DNAL1: variants seen among roughly 807,000 people sequenced by gnomAD.
The protein encoded by DNAL1 is dynein axonemal light chain 1.
A neutral mutation model predicts 29.4 loss-of-function variants in DNAL1; 17 were observed. The ratio of observed to expected loss-of-function variants is 0.58; its 90% CI spans 0.40 to 0.87. DNAL1 has a LOEUF of 0.87. DNAL1 is among the 40% of genes least tolerant of loss of function. The pLI, the probability that DNAL1 is intolerant of heterozygous loss-of-function variation, is 0.00. For synonymous variants in DNAL1, 78 were observed against 76.3 expected (o/e 1.02, Z -0.12); for missense variants, 188 against 214.1 (o/e 0.88, Z 0.76).
Position 73,702,735 on chromosome 14 carries a change from C to T in DNAL1, c.*6793C>T, listed in dbSNP as rs1046149405. ...ACATTTTCTATGCTATCAGCTAAAA[C>T]GTAATTTTGGTCACAAAATAGGGCT... On this transcript the variant is annotated 3_prime_UTR_variant, in exon 8 of 8. Coordinates refer to ENST00000553645, the MANE Select transcript of DNAL1 (RefSeq NM_031427.4). The T allele has an allele frequency of 1.3e-5, 2 of 152,136 alleles. No individual in the cohort carries two copies. Among genetic ancestry groups the T allele is most frequent in the Admixed American group, 6.5e-5 (1 of 15,270 alleles). 9.4% of individuals were successfully genotyped at this position (152,136 alleles called of 1,614,324 possible). A position where few individuals can be genotyped will look rare whatever the true frequency, so the allele number is the denominator to read the frequency against.
Position 73,689,483 on chromosome 14 carries a change from C to T in DNAL1, c.500C>T (p.Thr167Ile), listed in dbSNP as rs781170779. ...GAGAATAACTGGATTGAAGAAGCAA[C>T]CAAGAGAGTGCCCAAACTGAAAAAG... is the stretch of plus-strand genomic sequence containing the variant. ...SAENNWIEEA[T>I]KRVPKLKKLD... Residue 167 changes from threonine to isoleucine, a missense_variant, in exon 7 of 8, where the codon ACC becomes ATC. Coordinates refer to ENST00000553645, the MANE Select transcript of DNAL1 (RefSeq NM_031427.4). 1 of 1,585,602 alleles carries T rather than the reference C, an allele frequency of 6.3e-7. No homozygotes were observed. The highest frequency in any genetic ancestry group is 8.6e-7 in the Non-Finnish European group (1 of 1,165,568).
intron 5 of DNAL1, among the ~76,000 whole-genome samples, chr14:73,679,369 GATT>G (rs1435559994): frequency 6.6e-6 from 1 of 152,036 alleles, no homozygotes; most frequent in Non-Finnish European, 1.5e-5. Context: ...TTAAAATACT[GATT>G]ATTTTCTCCT....
intron 7 of DNAL1, among the ~76,000 whole-genome samples, chr14:73,694,829 A>G (rs1892265213): frequency 6.6e-6 from 1 of 151,542 alleles, no homozygotes; most frequent in African/African-American, 2.4e-5. Flanking sequence ...AGATGGGATT[A>G]CAGGCATGCG....
intron 5 of DNAL1, among the ~76,000 whole-genome samples, chr14:73,682,869 ATTTTTTT>A (rs57815202): frequency 3.5e-4 from 36 of 101,818 alleles, no homozygotes; most frequent in South Asian, 6.4e-4. Context: ...TTTTATAGTT[ATTTTTTT>A]TTTTTTTTTT....
In DNAL1 at chr14:73,703,371, C is replaced by T. The variant is rs1216447806; in HGVS notation, c.*7429C>T. On this transcript the variant is annotated 3_prime_UTR_variant, in exon 8 of 8. Transcript: ENST00000553645. ...CCTCTGAGCCCAAGCTAAGCCATCG[C>T]ATCCCCTGTGACTTGCACGTATACA... The T allele has an allele frequency of 6.6e-6, 1 of 152,212 alleles. No homozygotes were observed. The highest frequency in any genetic ancestry group is 1.5e-5 in the Non-Finnish European group (1 of 68,020). The allele number at this position is 152,212 out of a possible 1,614,324, so 9.4% of individuals were successfully genotyped here.
At position 73,698,682 on chromosome 14, in the gene DNAL1, G is replaced by C. The variant is rs1892360725; in HGVS notation, c.*2740G>C. The C allele has an allele frequency of 6.6e-6, 1 of 152,056 alleles. No homozygotes were observed. Among genetic ancestry groups the C allele is most frequent in the Non-Finnish European group, 1.5e-5 (1 of 68,038 alleles). 9.4% of individuals were successfully genotyped at this position (152,056 alleles called of 1,614,324 possible). ...TTGTCTTGAACTCCTAACTTCAGAT[G>C]ACCTGCCCACATCGGCCTCCCAAAG... On this transcript the variant is annotated 3_prime_UTR_variant, in exon 8 of 8. Transcript: ENST00000553645.
At chr14:73,685,744 G>A (rs1892007630) in intron 5 of DNAL1, among the ~76,000 whole-genome samples, 1 of 152,112 alleles carries the variant, frequency 6.6e-6, no homozygotes, top group Admixed American at 6.5e-5. Context: ...TTACAGATGT[G>A]AGCCACTGCA....
intron 5 of DNAL1, among the ~76,000 whole-genome samples, chr14:73,682,869 ATTTTT>A (rs57815202): frequency 2.0e-5 from 2 of 101,838 alleles, no homozygotes; most frequent in Admixed American, 1.1e-4. Context: ...TTTTATAGTT[ATTTTT>A]TTTTTTTTTT....
At chr14:73,678,632 C>T (rs545601836) in intron 5 of DNAL1, among the ~76,000 whole-genome samples, 1 of 150,450 alleles carries the variant, frequency 6.6e-6, no homozygotes, top group African/African-American at 2.5e-5. Flanking sequence ...ATAGCTATCA[C>T]AATATTCAAT....
chr14:73,665,539 C>T (rs1000394152), intron 4 of DNAL1, among the ~76,000 whole-genome samples: 1 of 152,006 alleles, frequency 6.6e-6, no homozygotes, highest in African/African-American at 2.4e-5. Flanking sequence ...ACCTGTAATC[C>T]CAGCACTTTG....
intron 5 of DNAL1, among the ~76,000 whole-genome samples, chr14:73,677,884 T>TATATTTGTGTGTG (rs1555402397): frequency 0.014 from 1,339 of 96,030 alleles, 13 homozygotes; most frequent in Non-Finnish European, 0.021. Flanking sequence ...ATATATATAT[T>TATATTTGTGTGTG]TGTGTGTGTG....
At chr14:73,691,235 A>G (rs1459795322) in intron 7 of DNAL1, among the ~76,000 whole-genome samples, 1 of 152,228 alleles carries the variant, frequency 6.6e-6, no homozygotes, top group Non-Finnish European at 1.5e-5. Context: ...CGTTGTGCTT[A>G]ACATAAAGTA....
At chr14:73,649,513 A>T (rs769409326) in intron 1 of DNAL1, among the ~76,000 whole-genome samples, 453 of 150,154 alleles carry the variant, frequency 3.0e-3, no homozygotes, top group African/African-American at 0.011. Flanking sequence ...CGATCTCCTG[A>T]CCTCGTGATC....
chr14:73,650,252 G>A (rs970273647), intron 1 of DNAL1, among the ~76,000 whole-genome samples: 1 of 152,126 alleles, frequency 6.6e-6, no homozygotes, highest in African/African-American at 2.4e-5. Context: ...GCCTCCCAAA[G>A]TACTGGGATT....
In DNAL1 at chr14:73,697,713, A is replaced by C. The variant is rs1347856545; in HGVS notation, c.*1771A>C. On this transcript the variant is annotated 3_prime_UTR_variant, in exon 8 of 8. Transcript: ENST00000553645. ...AGCCGAGATTGCGCCATTGCACTCC[A>C]GCCTGGGCAATAGAGCGAGACTCCA... 2.0e-5 allele frequency: 3 copies of C among 150,342 alleles called. No homozygotes were observed. The highest frequency in any genetic ancestry group is 2.9e-5 in the Non-Finnish European group (2 of 67,828). 9.3% of individuals were successfully genotyped at this position (150,342 alleles called of 1,614,324 possible).
At chr14:73,692,608 G>A (rs559635803) in intron 7 of DNAL1, among the ~76,000 whole-genome samples, 65 of 146,068 alleles carry the variant, frequency 4.4e-4, no homozygotes, top group African/African-American at 1.5e-3. Flanking sequence ...GCAGTGAGCC[G>A]AGAAAAAAAA....
chr14:73,666,694 G>A (rs1891489290), intron 4 of DNAL1, among the ~76,000 whole-genome samples: 1 of 152,026 alleles, frequency 6.6e-6, no homozygotes, highest in African/African-American at 2.4e-5. Context: ...TTTCAAAAAG[G>A]GGTTAGAGAT....
In DNAL1 at chr14:73,702,079, G is replaced by GTA. The variant is rs1555340589; in HGVS notation, c.*6138_*6139insAT. 1 of 35,602 alleles carries GTA rather than the reference G, an allele frequency of 2.8e-5. No homozygotes were observed. Among genetic ancestry groups the GTA allele is most frequent in the African/African-American group, 7.7e-5 (1 of 13,056 alleles). The allele number at this position is 35,602 out of a possible 1,614,324, so 2.2% of individuals were successfully genotyped here. On this transcript the variant is annotated 3_prime_UTR_variant, in exon 8 of 8. Transcript: ENST00000553645. The stretch of plus-strand genomic sequence containing the variant: ...TAACATGTACCATGCAGTTTGTGTG[G>GTA]TGTGTGTGTGTGTGTGTGTGTGTGT...
chr14:73,692,701 C>A (rs1194533985), intron 7 of DNAL1, among the ~76,000 whole-genome samples: 1 of 152,030 alleles, frequency 6.6e-6, no homozygotes, highest in Non-Finnish European at 1.5e-5. Context: ...GTATTGACTT[C>A]ATGTCAATCT....
Sources: allele counts gnomAD v4.1 joint callset (sites outside exome capture counted in the v4.1 genomes callset), GRCh38; gene constraint gnomAD v4.1.1; transcripts MANE v1.5; gene names NCBI Gene and HGNC (gene_info 2026-07-23, HGNC 2026-07-21).